Variants in BMAL1 observed in about 807,000 individuals in gnomAD.
BMAL1 encodes the protein basic helix-loop-helix ARNT like 1.
chr11:13,338,342 C>T, the BMAL1 span, among the ~76,000 whole-genome samples: 3 of 152,238 alleles, frequency 2.0e-5, no homozygotes, highest in Admixed American at 6.5e-5. Flanking sequence ...GGGAAGATCC[C>T]GAGACTCGTT....
chr11:13,386,261 G>T, the BMAL1 span, among the ~76,000 whole-genome samples: 1 of 151,782 alleles, frequency 6.6e-6, no homozygotes, highest in Admixed American at 6.6e-5. Context: ...CTCTTAACTG[G>T]TTACATCAGA....
chr11:13,309,112 A>T, the BMAL1 span, among the ~76,000 whole-genome samples: 2 of 152,158 alleles, frequency 1.3e-5, no homozygotes, highest in Admixed American at 6.5e-5. Context: ...TTAAAAATGG[A>T]GAGAGATTAA....
At chr11:13,363,600 T>C in the BMAL1 span, among the ~76,000 whole-genome samples, 1 of 152,216 alleles carries the variant, frequency 6.6e-6, no homozygotes, top group Non-Finnish European at 1.5e-5. Context: ...CAATGCAAAA[T>C]GGACAAACTG....
chr11:13,362,532 C>G, the BMAL1 span, among the ~76,000 whole-genome samples: 142 of 152,282 alleles, frequency 9.3e-4, no homozygotes, highest in African/African-American at 3.4e-3. Context: ...TGTTTACTTA[C>G]TAGATGCATG....
At chr11:13,325,198 C>T in the BMAL1 span, among the ~76,000 whole-genome samples, 4 of 152,316 alleles carry the variant, frequency 2.6e-5, no homozygotes, top group Admixed American at 6.5e-5. Flanking sequence ...CCCTGGGATG[C>T]ATGTTCTCTG....
chr11:13,286,828 G>T, the BMAL1 span, among the ~76,000 whole-genome samples: 1 of 152,152 alleles, frequency 6.6e-6, no homozygotes, highest in Non-Finnish European at 1.5e-5. Context: ...GATAAAAATG[G>T]TGACTCTGGC....
the BMAL1 span, among the ~76,000 whole-genome samples, chr11:13,336,812 G>C: frequency 6.6e-6 from 1 of 152,178 alleles, no homozygotes; most frequent in Admixed American, 6.5e-5. Flanking sequence ...GGTCATGTGT[G>C]GGCTGGCAGT....
chr11:13,291,791 G>A, the BMAL1 span, among the ~76,000 whole-genome samples: 6 of 27,910 alleles, frequency 2.1e-4, no homozygotes, highest in South Asian at 6.1e-3. Flanking sequence ...TGTTGTGTTA[G>A]GTTTAATTGA....
chr11:13,312,533 A>G, the BMAL1 span, among the ~76,000 whole-genome samples: 1 of 152,254 alleles, frequency 6.6e-6, no homozygotes, highest in Admixed American at 6.5e-5. Flanking sequence ...CTGTTTCCCC[A>G]GATAAAATTT....
the BMAL1 span, among the ~76,000 whole-genome samples, chr11:13,279,465 G>T: frequency 6.6e-6 from 1 of 152,184 alleles, no homozygotes; most frequent in African/African-American, 2.4e-5. Flanking sequence ...CCGGATCTGT[G>T]AATTTGGGTT....
the BMAL1 span, chr11:13,374,064 CT>C: frequency 6.3e-7 from 1 of 1,596,698 alleles, no homozygotes; most frequent in Non-Finnish European, 8.6e-7. Flanking sequence ...ATGGCTTTTT[CT>C]TCTTTAAATA....
chr11:13,360,549 G>T, the BMAL1 span: 4 of 762,150 alleles, frequency 5.2e-6, no homozygotes, highest in South Asian at 1.9e-5. Flanking sequence ...CCTCTCTCAG[G>T]TCCCTCCCTT....
the BMAL1 span, among the ~76,000 whole-genome samples, chr11:13,366,025 T>C: frequency 3.3e-5 from 5 of 152,218 alleles, no homozygotes; most frequent in East Asian, 1.9e-4. Context: ...TGATAACTTA[T>C]AGGATCAAAT....
At chr11:13,319,630 T>G in the BMAL1 span, among the ~76,000 whole-genome samples, 3 of 152,232 alleles carry the variant, frequency 2.0e-5, no homozygotes, top group African/African-American at 7.2e-5. Flanking sequence ...ATCTTGACTT[T>G]GATGGTGGTT....
At chr11:13,353,640 A>C in the BMAL1 span, 1 of 152,248 alleles carries the variant, frequency 6.6e-6, no homozygotes. Flanking sequence ...CAACATGGTG[A>C]AACCCCATCT....
At chr11:13,296,876 C>T in the BMAL1 span, among the ~76,000 whole-genome samples, 7 of 152,204 alleles carry the variant, frequency 4.6e-5, no homozygotes. Context: ...CCTGTCCCAT[C>T]TTGCGCTCGT....
the BMAL1 span, among the ~76,000 whole-genome samples, chr11:13,346,870 C>T: frequency 8.5e-5 from 13 of 152,334 alleles, no homozygotes; most frequent in Non-Finnish European, 1.5e-4. Flanking sequence ...TCAGGGCGGC[C>T]GTCAGAGCCC....
At chr11:13,378,603 A>AT in the BMAL1 span, 1 of 946,046 alleles carries the variant, frequency 1.1e-6, no homozygotes, top group Non-Finnish European at 1.6e-6. Flanking sequence ...GAGACCAGGG[A>AT]TGCTGCTTGT....
chr11:13,306,587 G>T, the BMAL1 span, among the ~76,000 whole-genome samples: 3 of 152,238 alleles, frequency 2.0e-5, no homozygotes, highest in Non-Finnish European at 4.4e-5. Flanking sequence ...GGCTGCTGGG[G>T]AAAAATCCAG....
Sources: allele counts gnomAD v4.1 joint callset (sites outside exome capture counted in the v4.1 genomes callset), GRCh38; gene constraint gnomAD v4.1.1; transcripts MANE v1.5; gene names NCBI Gene and HGNC (gene_info 2026-07-23, HGNC 2026-07-21).